TMEM232: variants seen among roughly 807,000 people sequenced by gnomAD.
TMEM232 encodes transmembrane protein 232.
In TMEM232, 80 loss-of-function variants were observed where a neutral mutation model predicts 78.8. The ratio of observed to expected loss-of-function variants is 1.01; its 90% CI spans 0.85 to 1.22. The LOEUF (loss-of-function observed/expected upper bound fraction) is 1.22. Among genes scored for constraint, TMEM232 ranks in the 50% most tolerant of loss-of-function variants. The pLI is 0.00. For missense variants in TMEM232, 881 were observed against 742.2 expected, an observed-to-expected ratio of 1.19 and a Z score of -2.17; for synonymous variants, 297 against 254.3, an observed-to-expected ratio of 1.17 and a Z score of -1.60.
chr5:110,528,748 T>C lies in TMEM232; in HGVS notation c.1543A>G (p.Ile515Val), dbSNP rs1770981642. 5 of 1,534,274 alleles carry C rather than the reference T, an allele frequency of 3.3e-6. No homozygotes were observed. Among genetic ancestry groups the C allele is most frequent in the South Asian group, 2.4e-5 (2 of 83,678 alleles). ...AGAGTGTTGGCAATTCTCCACCCAA[T>C]ATATTTGGAGAAAACTTCTTCTCCT... ...NVGEEVFSKY[I>V]GWRIANTLSK... The change falls in exon 12 of 14, where the codon ATT becomes GTT. Residue 515 changes from isoleucine (I) to valine (V), a missense_variant. Coordinates refer to ENST00000455884, the MANE Select transcript of TMEM232 (RefSeq NM_001039763.4).
intron 1 of TMEM232, among the ~76,000 whole-genome samples, chr5:110,715,358 G>A (rs1321941894): frequency 6.6e-6 from 1 of 151,988 alleles, no homozygotes; most frequent in Non-Finnish European, 1.5e-5. Flanking sequence ...AAAGTATAGA[G>A]ACTAAATGTA....
chr5:110,648,866 C>T (rs1221738647), intron 2 of TMEM232, among the ~76,000 whole-genome samples: 1 of 152,072 alleles, frequency 6.6e-6, no homozygotes, highest in Admixed American at 6.6e-5. Context: ...ACACTCAGCT[C>T]TCTAAGTCTC....
At chr5:110,667,102 C>A in intron 2 of TMEM232, 126 bp downstream of exon 2, 2 of 746,902 alleles carry the variant, frequency 2.7e-6, no homozygotes, top group East Asian at 3.2e-5. Context: ...GGCTATTAAA[C>A]AAATAGTAAA....
chr5:110,387,639 T>G (rs996601109), intron 5 of TMEM232: 1 of 152,224 alleles, frequency 6.6e-6, no homozygotes, highest in Non-Finnish European at 1.5e-5. Flanking sequence ...TTAAATATTA[T>G]TCATTTTATG....
At chr5:110,651,253 A>G (rs140279282) in intron 2 of TMEM232, among the ~76,000 whole-genome samples, 1,783 of 152,232 alleles carry the variant, frequency 0.012, 45 homozygotes, top group African/African-American at 0.04. Flanking sequence ...AAAGTGATCC[A>G]TGCTGTGAAA....
chr5:110,701,311 G>A (rs1242030217), intron 1 of TMEM232, among the ~76,000 whole-genome samples: 1 of 151,900 alleles, frequency 6.6e-6, no homozygotes, highest in African/African-American at 2.4e-5. Flanking sequence ...ACAAGTACAG[G>A]TGGATCCAAA....
chr5:110,644,501 G>A (rs1017522655), intron 2 of TMEM232, among the ~76,000 whole-genome samples: 2 of 151,746 alleles, frequency 1.3e-5, no homozygotes, highest in Non-Finnish European at 2.9e-5. Context: ...GAACTGTCAA[G>A]ATTAACAGCC....
At chr5:110,513,613 G>C (rs1768128638) in intron 12 of TMEM232, among the ~76,000 whole-genome samples, 1 of 152,000 alleles carries the variant, frequency 6.6e-6, no homozygotes, top group African/African-American at 2.4e-5. Context: ...CTAATCATCA[G>C]GGAAATGCAA....
intron 10 of TMEM232, among the ~76,000 whole-genome samples, chr5:110,601,616 C>T (rs561695013): frequency 3.4e-4 from 52 of 152,230 alleles, no homozygotes; most frequent in Non-Finnish European, 6.5e-4. Flanking sequence ...TCAAGGAGAA[C>T]TACAAACCAC....
At chr5:110,399,050 C>A (rs1235162458) in intron 2 of TMEM232, among the ~76,000 whole-genome samples, 1 of 152,002 alleles carries the variant, frequency 6.6e-6, no homozygotes, top group East Asian at 1.9e-4. Flanking sequence ...CACTTATGTA[C>A]TTTTAATTAA....
chr5:110,589,999 T>C (rs1057491701), intron 10 of TMEM232, among the ~76,000 whole-genome samples: 1 of 152,164 alleles, frequency 6.6e-6, no homozygotes, highest in Non-Finnish European at 1.5e-5. Context: ...TATTCAAACT[T>C]TCCTGTAGCT....
intron 12 of TMEM232, among the ~76,000 whole-genome samples, chr5:110,485,495 T>C (rs1224873331): frequency 6.6e-6 from 1 of 152,154 alleles, no homozygotes; most frequent in Non-Finnish European, 1.5e-5. Context: ...AAGTCCATTG[T>C]ATCATTCTTA....
chr5:110,663,532 T>A (rs1308328844), intron 2 of TMEM232, among the ~76,000 whole-genome samples: 3 of 151,680 alleles, frequency 2.0e-5, no homozygotes, highest in African/African-American at 7.3e-5. Context: ...AATACCCATA[T>A]GAAAAAAAAC....
Position 110,660,281 on chromosome 5 carries a change from T to A in TMEM232, c.125+6947A>T, listed in dbSNP as rs555443962. Among the ~76,000 whole-genome samples, 4 of 152,126 alleles carry A rather than the reference T, an allele frequency of 2.6e-5. No homozygotes were observed. The South Asian group carries it at 8.3e-4, about 32-fold the overall frequency. ...TAAGAGAGTGAAATGATACCAACAA[T>A]ATTCTAGAGGAAAAAAGAATAAAAG... On this transcript the variant is annotated intron_variant, in intron 2 of 13. Transcript: ENST00000455884.
At chr5:110,611,188 G>A (rs1782228625) in intron 8 of TMEM232, among the ~76,000 whole-genome samples, 1 of 152,044 alleles carries the variant, frequency 6.6e-6, no homozygotes. Context: ...GACTAGGAAG[G>A]GGAGAATTAG....
Position 110,628,662 on chromosome 5 carries a change from AGTGTGTGTGTGTGT to A in TMEM232, c.502-796_502-783del, listed in dbSNP as rs146531604. On this transcript the variant is annotated intron_variant, in intron 5 of 13. Transcript: ENST00000455884. Reference sequence around the variant, plus strand: ...ATAACAGCAATAGCTGTCAGTATCCAGTGTGTGTGTGTGTGTGTGTGTGTGTGTGTGTGTGTGTA... The same window carrying A: ...ATAACAGCAATAGCTGTCAGTATCCAGTGTGTGTGTGTGTGTGTGTGTGTA... 3.4e-3 allele frequency among the ~76,000 whole-genome samples: 478 copies of A among 140,816 alleles called. 4 individuals are homozygous for A. Among genetic ancestry groups the A allele is most frequent in the African/African-American group, 0.012 (444 of 37,278 alleles). The allele number at this position is 140,816 out of a possible 152,430, so 92.4% of individuals were successfully genotyped here. A position where few individuals can be genotyped will look rare whatever the true frequency, so the allele number is the denominator to read the frequency against.
At chr5:110,675,297 A>G (rs991660225) in intron 1 of TMEM232, among the ~76,000 whole-genome samples, 5 of 152,062 alleles carry the variant, frequency 3.3e-5, no homozygotes, top group Non-Finnish European at 5.9e-5. Flanking sequence ...TGCCTGCCTC[A>G]GCCTCCCAAA....
chr5:110,640,032 T>C (rs1222986870), intron 4 of TMEM232, among the ~76,000 whole-genome samples: 7 of 152,174 alleles, frequency 4.6e-5, no homozygotes, highest in Non-Finnish European at 8.8e-5. Flanking sequence ...CCCCCTCGGG[T>C]TGGGCAAGGG....
intron 12 of TMEM232, among the ~76,000 whole-genome samples, chr5:110,473,742 C>A (rs770593374): frequency 1.1e-4 from 17 of 148,960 alleles, no homozygotes; most frequent in Admixed American, 1.3e-4. Context: ...ATGTAAGTGT[C>A]GATCAATGGA....
Sources: allele counts gnomAD v4.1 joint callset (sites outside exome capture counted in the v4.1 genomes callset), GRCh38; gene constraint gnomAD v4.1.1; transcripts MANE v1.5; gene names NCBI Gene and HGNC (gene_info 2026-07-23, HGNC 2026-07-21).